TSGA10IP: variants seen among roughly 807,000 people sequenced by gnomAD.
TSGA10IP encodes the protein testis specific 10 interacting protein, also known as testis-specific protein 10-interacting protein.
A neutral mutation model predicts 63.2 loss-of-function variants in TSGA10IP; 64 were observed. The ratio of observed to expected loss-of-function variants is 1.01; its 90% confidence interval spans 0.83 to 1.25. TSGA10IP has a LOEUF of 1.25. TSGA10IP is among the 50% of genes most tolerant of loss of function. The pLI is 0.00. For synonymous variants in TSGA10IP, 316 were observed against 298.3 expected (o/e 1.06, Z -0.61); for missense variants, 681 against 710.1 (o/e 0.96, Z 0.47).
At chr11:65,951,405 G>T (rs1191846838) in intron 4 of TSGA10IP, among the ~76,000 whole-genome samples, 1 of 151,836 alleles carries the variant, frequency 6.6e-6, no homozygotes. Context: ...CAGGCGTGAG[G>T]TGATATCTTA....
exon 1 of TSGA10IP, chr11:65,945,535 CAGA>C: frequency 1.1e-6 from 1 of 903,854 alleles, no homozygotes; most frequent in East Asian, 2.7e-5. Flanking sequence ...AACTCTCTCC[CAGA>C]AGGAGATTGG....
exon 3 of TSGA10IP, chr11:65,947,506 G>A (rs779007139): frequency 1.4e-5 from 22 of 1,613,266 alleles, no homozygotes; most frequent in Non-Finnish European, 1.8e-5. Flanking sequence ...AGGCCGAGAG[G>A]GGTCTGAGTT....
chr11:65,958,434 C>A (rs1855061247), intron 5 of TSGA10IP, among the ~76,000 whole-genome samples: 1 of 152,180 alleles, frequency 6.6e-6, no homozygotes, highest in Non-Finnish European at 1.5e-5. Flanking sequence ...GTGAAATAAA[C>A]TGAGCCCAGA....
At chr11:65,958,328 AT>A (rs1404364975) in intron 5 of TSGA10IP, among the ~76,000 whole-genome samples, 1 of 151,480 alleles carries the variant, frequency 6.6e-6, no homozygotes. Flanking sequence ...TTTGAAACAT[AT>A]TTTTTTTTAG....
exon 1 of TSGA10IP, chr11:65,945,656 C>T (rs759493866): frequency 1.3e-5 from 21 of 1,610,522 alleles, no homozygotes; most frequent in African/African-American, 1.1e-4. Flanking sequence ...TTCTACGGTG[C>T]GGATGGGGGA....
In TSGA10IP at chr11:65,946,997, G is replaced by T. The variant is rs143114305; in HGVS notation, c.265G>T (p.Gly89Cys). Residue 89 changes from glycine (G) to cysteine (C), a missense_variant, in exon 2 of 8, where the codon GGC (glycine) becomes TGC (cysteine). Transcript: ENST00000532620. ...CAGGGGCCAGAGCAAGAAAGGACAG[G>T]GCTCTGAAGAGTCTGAAGAGTAAGC... 2.1e-4 allele frequency: 336 copies of T among 1,613,966 alleles called. No homozygotes were observed. In the African/African-American group the frequency reaches 4.1e-3, roughly 20 times the overall value.
intron 5 of TSGA10IP, among the ~76,000 whole-genome samples, chr11:65,955,118 C>G (rs1349501967): frequency 6.6e-6 from 1 of 152,162 alleles, no homozygotes; most frequent in African/African-American, 2.4e-5. Context: ...TGCGGAACCC[C>G]GAGAAGTCCT....
At chr11:65,953,586 G>A in exon 5 of TSGA10IP, 1 of 1,591,370 alleles carries the variant, frequency 6.3e-7, no homozygotes, top group Non-Finnish European at 8.5e-7. Context: ...GCAGGCCTGG[G>A]AGCGGCAGCG....
Position 65,953,586 on chromosome 11 carries a change from G to T in TSGA10IP, c.1171G>T (p.Glu391Ter). ...CCCAAGGAGCCTGCTGCAGGCCTGGGAGCGGCAGCGGCAGGAGGAGCGGCA... is the reference window on the plus strand; with the variant it reads ...CCCAAGGAGCCTGCTGCAGGCCTGGTAGCGGCAGCGGCAGGAGGAGCGGCA... Residue 391 changes from glutamate (E) to a stop codon, truncating the protein, a stop_gained, in exon 5 of 8, where the codon GAG (glutamate) becomes TAG (stop). Coordinates refer to ENST00000532620, the Ensembl canonical transcript of TSGA10IP. LOFTEE classifies it high-confidence loss of function. 1 of 1,591,370 alleles carries T rather than the reference G, an allele frequency of 6.3e-7. No homozygotes were observed.
chr11:65,947,390 G>C lies in TSGA10IP; in HGVS notation c.565G>C (p.Glu189Gln), dbSNP rs1468832616. ...TGTCTCCATCCCTACTGGCAAAGGG[G>C]AGCTAGGATCAGAGCCCCCCAGTGG... Residue 189 changes from glutamate to glutamine, a missense_variant, in exon 3 of 8, where the codon GAG becomes CAG. Coordinates refer to ENST00000532620, the Ensembl canonical transcript of TSGA10IP. 3 of 1,613,072 alleles carry C rather than the reference G, an allele frequency of 1.9e-6. No individual in the cohort carries two copies. The South Asian group carries it at 3.3e-5, about 18-fold the overall frequency.
intron 4 of TSGA10IP, among the ~76,000 whole-genome samples, chr11:65,950,988 A>G (rs1329486704): frequency 6.6e-6 from 1 of 152,176 alleles, no homozygotes; most frequent in East Asian, 1.9e-4. Context: ...ATTTCACTTA[A>G]CATAGTGTCC....
At chr11:65,947,919 G>T (rs1457377308) in intron 3 of TSGA10IP, 82 bp from the exon 4 acceptor site, 9 of 1,515,842 alleles carry the variant, frequency 5.9e-6, no homozygotes, top group Admixed American at 4.3e-5. Flanking sequence ...GGCAGGCTGG[G>T]CTGTGCTCTG....
At chr11:65,947,234 A>C in exon 3 of TSGA10IP, 1 of 1,609,990 alleles carries the variant, frequency 6.2e-7, no homozygotes, top group Non-Finnish European at 8.5e-7. Flanking sequence ...AGCCCTGCCC[A>C]TGCCCTCCTC....
chr11:65,950,028 T>G (rs1237642371), intron 4 of TSGA10IP, among the ~76,000 whole-genome samples: 1 of 151,418 alleles, frequency 6.6e-6, no homozygotes, highest in Non-Finnish European at 1.5e-5. Flanking sequence ...AATTTTTGTA[T>G]TTTTAATAGA....
chr11:65,951,761 G>T (rs1190680349), intron 4 of TSGA10IP, among the ~76,000 whole-genome samples: 2 of 151,422 alleles, frequency 1.3e-5, no homozygotes, highest in Non-Finnish European at 2.9e-5. Context: ...GGCCCAGGCT[G>T]GTCTCAACCC....
At chr11:65,952,062 C>T (rs1206753431) in intron 4 of TSGA10IP, among the ~76,000 whole-genome samples, 1 of 152,034 alleles carries the variant, frequency 6.6e-6, no homozygotes, top group Non-Finnish European at 1.5e-5. Flanking sequence ...CCATGTTGGC[C>T]AGACTAGTCT....
At chr11:65,946,027 G>A (rs1286755531) in intron 1 of TSGA10IP, among the ~76,000 whole-genome samples, 1 of 152,194 alleles carries the variant, frequency 6.6e-6, no homozygotes, top group African/African-American at 2.4e-5. Flanking sequence ...TGACTCCCAG[G>A]GATGATGGGG....
chr11:65,956,361 TCCCGACCTCAGCTGATCCG>T (rs1355265204), intron 5 of TSGA10IP, among the ~76,000 whole-genome samples: 1 of 152,010 alleles, frequency 6.6e-6, no homozygotes, highest in Non-Finnish European at 1.5e-5. Flanking sequence ...GGTCTTGAAC[TCCCGACCTCAGCTGATCCG>T]CCCGCCTCAG....
chr11:65,949,479 C>T (rs561933991), intron 4 of TSGA10IP, among the ~76,000 whole-genome samples: 191 of 150,678 alleles, frequency 1.3e-3, no homozygotes, highest in Non-Finnish European at 2.0e-3. Context: ...TGCAGTGGCA[C>T]AGTCTTGGCT....
Sources: gnomAD v4.1 joint callset for allele counts (sites outside exome capture counted in the v4.1 genomes callset) on GRCh38, gnomAD v4.1.1 for gene constraint, MANE v1.5 for transcripts, NCBI Gene and HGNC (gene_info 2026-07-23, HGNC 2026-07-21) for gene names.